Variants in ATP8A2 observed in about 807,000 individuals in gnomAD.
ATP8A2 encodes ATPase phospholipid transporting 8A2, also known as phospholipid-transporting ATPase IB.
Under a neutral mutation model 165.6 loss-of-function variants are expected in ATP8A2, and 100 were observed. The observed-to-expected ratio is 0.60, with a 90% CI of 0.51 to 0.71. The LOEUF is 0.71. ATP8A2 is among the 30% of genes least tolerant of loss of function. The pLI, the probability that ATP8A2 is intolerant of heterozygous loss-of-function variation, is 0.00. For missense variants in ATP8A2, 1,227 were observed against 1,479.5 expected, an observed-to-expected ratio of 0.83 and a Z score of 2.80; for synonymous variants, 543 against 548.8, an observed-to-expected ratio of 0.99 and a Z score of 0.15.
intron 24 of ATP8A2, among the ~76,000 whole-genome samples, chr13:25,658,982 T>G (rs1314535370): frequency 6.6e-6 from 1 of 152,218 alleles, no homozygotes; most frequent in Non-Finnish European, 1.5e-5. Context: ...ACACCATTAT[T>G]TACTTGTTGG....
chr13:25,777,909 C>T (rs1205849245), intron 27 of ATP8A2, among the ~76,000 whole-genome samples: 1 of 152,232 alleles, frequency 6.6e-6, no homozygotes, highest in Non-Finnish European at 1.5e-5. Flanking sequence ...GCCCCCAAAC[C>T]TCCTTCCGTA....
intron 33 of ATP8A2, among the ~76,000 whole-genome samples, chr13:25,894,473 C>A (rs1332223464): frequency 6.6e-6 from 1 of 152,156 alleles, no homozygotes; most frequent in African/African-American, 2.4e-5. Flanking sequence ...TAGCATGATG[C>A]CTCCAGCTTT....
At chr13:25,449,362 G>A (rs1024139223) in intron 1 of ATP8A2, among the ~76,000 whole-genome samples, 11 of 152,150 alleles carry the variant, frequency 7.2e-5, no homozygotes, top group African/African-American at 1.4e-4. Flanking sequence ...GTTTAGAAAC[G>A]TGTTGTTTAA....
intron 2 of ATP8A2, among the ~76,000 whole-genome samples, chr13:25,506,940 C>CATATATATATATAT (rs59774160): frequency 0.019 from 2,444 of 128,480 alleles, 30 homozygotes; most frequent in Non-Finnish European, 0.022. Context: ...CAGTACAGTA[C>CATATATATATATAT]ATATATATAT....
At chr13:25,379,500 A>G (rs1281280084) in intron 1 of ATP8A2, among the ~76,000 whole-genome samples, 1 of 152,188 alleles carries the variant, frequency 6.6e-6, no homozygotes, top group Non-Finnish European at 1.5e-5. Context: ...GGCTGATAAT[A>G]TATTTGGTTA....
At chr13:25,716,620 A>G (rs868707311) in intron 25 of ATP8A2, among the ~76,000 whole-genome samples, 2 of 152,244 alleles carry the variant, frequency 1.3e-5, no homozygotes, top group African/African-American at 4.8e-5. Flanking sequence ...TATTTTTAAA[A>G]GATCACTGTC....
intron 24 of ATP8A2, among the ~76,000 whole-genome samples, chr13:25,663,822 A>T (rs1268927956): frequency 3.9e-5 from 6 of 152,216 alleles, no homozygotes. Context: ...TTTATTAACC[A>T]TAAGTGATTT....
intron 33 of ATP8A2, among the ~76,000 whole-genome samples, chr13:25,900,819 G>A (rs553893218): frequency 1.3e-5 from 2 of 152,280 alleles, no homozygotes; most frequent in East Asian, 1.9e-4. Flanking sequence ...AGGTATTAGC[G>A]CTGTTGACTA....
At chr13:25,931,116 C>A (rs574779773) in intron 33 of ATP8A2, among the ~76,000 whole-genome samples, 1 of 152,304 alleles carries the variant, frequency 6.6e-6, no homozygotes, top group Admixed American at 6.5e-5. Context: ...AGATCAGAAA[C>A]TTTCTGAGAC....
chr13:25,604,606 T>C (rs1316241853), intron 24 of ATP8A2, among the ~76,000 whole-genome samples: 1 of 152,240 alleles, frequency 6.6e-6, no homozygotes, highest in Non-Finnish European at 1.5e-5. Context: ...CTCTGTTTAA[T>C]TGAAAGTGGT....
chr13:25,615,946 C>T (rs1593656069), intron 24 of ATP8A2, among the ~76,000 whole-genome samples: 1 of 152,128 alleles, frequency 6.6e-6, no homozygotes, highest in East Asian at 1.9e-4. Context: ...TCTGTGGATT[C>T]TCTCGACTCT....
At chr13:25,597,408 TC>T (rs1166360214) in intron 24 of ATP8A2, among the ~76,000 whole-genome samples, 2 of 152,222 alleles carry the variant, frequency 1.3e-5, no homozygotes, top group Non-Finnish European at 2.9e-5. Flanking sequence ...TAAGAGTCCA[TC>T]TTAGCAGATT....
intron 24 of ATP8A2, among the ~76,000 whole-genome samples, chr13:25,679,875 G>T (rs1055459960): frequency 6.6e-6 from 1 of 152,072 alleles, no homozygotes; most frequent in Non-Finnish European, 1.5e-5. Flanking sequence ...TGCGGATTAG[G>T]AAAAATAGGA....
intron 15 of ATP8A2, among the ~76,000 whole-genome samples, chr13:25,562,063 A>G (rs930599061): frequency 1.3e-5 from 2 of 152,156 alleles, no homozygotes; most frequent in African/African-American, 4.8e-5. Flanking sequence ...GCTACTGTGA[A>G]TAACGCTGCT....
chr13:25,598,700 T>C (rs1305535068), intron 24 of ATP8A2, among the ~76,000 whole-genome samples: 1 of 152,184 alleles, frequency 6.6e-6, no homozygotes, highest in Non-Finnish European at 1.5e-5. Context: ...TAATTCCACT[T>C]CTTTGTCATT....
intron 25 of ATP8A2, among the ~76,000 whole-genome samples, chr13:25,763,517 A>G (rs1249747250): frequency 9.9e-5 from 15 of 152,132 alleles, no homozygotes; most frequent in Admixed American, 9.8e-4. Context: ...GTGCCTCTAG[A>G]TAAGCTAACC....
intron 33 of ATP8A2, among the ~76,000 whole-genome samples, chr13:25,900,866 A>C (rs966831034): frequency 6.6e-6 from 1 of 152,188 alleles, no homozygotes; most frequent in African/African-American, 2.4e-5. Flanking sequence ...CTTGTGGAGA[A>C]ACCACACCTC....
intron 2 of ATP8A2, among the ~76,000 whole-genome samples, chr13:25,489,183 T>C (rs958167023): frequency 2.6e-5 from 4 of 152,058 alleles, no homozygotes; most frequent in African/African-American, 2.4e-5. Context: ...TGAGGGACCA[T>C]CGCTGCTTCT....
intron 18 of ATP8A2, among the ~76,000 whole-genome samples, chr13:25,574,570 A>G (rs762836632): frequency 1.3e-5 from 2 of 152,174 alleles, no homozygotes; most frequent in Non-Finnish European, 2.9e-5. Flanking sequence ...CTCTATCTCC[A>G]TCTCTTGGAA....
Sources: gnomAD v4.1 joint callset for allele counts (sites outside exome capture counted in the v4.1 genomes callset) on GRCh38, gnomAD v4.1.1 for gene constraint, MANE v1.5 for transcripts, NCBI Gene and HGNC (gene_info 2026-07-23, HGNC 2026-07-21) for gene names.